The following CBX1 variants were observed in gnomAD, a reference collection of about 807,000 sequenced individuals.
The protein encoded by CBX1 is chromobox protein homolog 1.
Under a neutral mutation model 25.1 loss-of-function variants are expected in CBX1, and 10 were observed. The ratio of observed to expected loss-of-function variants is 0.40; its 90% CI spans 0.25 to 0.68. The LOEUF is 0.68. Ranked by LOEUF, CBX1 falls within the 30% of genes least tolerant of loss-of-function variation. CBX1 has a pLI of 0.40. For synonymous variants in CBX1, 63 were observed against 79.4 expected, an observed-to-expected ratio of 0.79 and a Z score of 1.10; for missense variants, 106 against 218.5, an observed-to-expected ratio of 0.49 and a Z score of 3.25.
intron 1 of CBX1, among the ~76,000 whole-genome samples, chr17:48,090,662 C>T (rs539426980): frequency 6.6e-6 from 1 of 152,258 alleles, no homozygotes; most frequent in South Asian, 2.1e-4. Context: ...GCTGAAGGCC[C>T]CTGCACCTAC....
At chr17:48,072,828 G>C (rs2037638139) in intron 4 of CBX1, among the ~76,000 whole-genome samples, 1 of 151,174 alleles carries the variant, frequency 6.6e-6, no homozygotes, top group Non-Finnish European at 1.5e-5. Context: ...ACATTATAAG[G>C]GAATTAGGAG....
chr17:48,080,323 C>T (rs1598306660), intron 1 of CBX1, among the ~76,000 whole-genome samples: 2 of 152,244 alleles, frequency 1.3e-5, no homozygotes, highest in East Asian at 3.9e-4. Flanking sequence ...CAGGCATGAG[C>T]TACCGTGCCC....
chr17:48,086,568 G>T (rs2063312990), intron 1 of CBX1, among the ~76,000 whole-genome samples: 1 of 152,158 alleles, frequency 6.6e-6, no homozygotes, highest in Admixed American at 6.6e-5. Flanking sequence ...TTAAAATGTT[G>T]GTCAGGGCTG....
At chr17:48,080,056 G>A (rs1208957850) in intron 1 of CBX1, among the ~76,000 whole-genome samples, 1 of 151,846 alleles carries the variant, frequency 6.6e-6, no homozygotes, top group Non-Finnish European at 1.5e-5. Flanking sequence ...CTTTTTTGGG[G>A]GAGGGGGACA....
At chr17:48,075,879 G>A in intron 3 of CBX1, 122 bp downstream of exon 3, 1 of 681,548 alleles carries the variant, frequency 1.5e-6, no homozygotes, top group East Asian at 2.8e-5. Context: ...GTAGGCATTA[G>A]CCTACCTAAG....
intron 1 of CBX1, among the ~76,000 whole-genome samples, chr17:48,093,518 G>C (rs1485497337): frequency 1.3e-5 from 2 of 152,190 alleles, no homozygotes; most frequent in Non-Finnish European, 2.9e-5. Flanking sequence ...ACTAGCATTT[G>C]AAAAGGTGTA....
chr17:48,093,218 T>C (rs1326921539), intron 1 of CBX1, among the ~76,000 whole-genome samples: 1 of 149,534 alleles, frequency 6.7e-6, no homozygotes, highest in African/African-American at 2.5e-5. Context: ...GAGGTTGCAG[T>C]GAGGCCAGAT....
Position 48,101,141 on chromosome 17 carries a change from G to A in CBX1, c.-38+127C>T, listed in dbSNP as rs963215952. 6.1e-6 allele frequency: 6 copies of A among 986,466 alleles called. No homozygotes were observed. The Admixed American group carries it at 3.1e-4, about 51-fold the overall frequency. 61.1% of individuals were successfully genotyped at this position (986,466 alleles called of 1,614,324 possible). On this transcript the variant is annotated intron_variant, in intron 1 of 4. Coordinates refer to ENST00000225603, the MANE Select transcript of CBX1 (RefSeq NM_001127228.2). ...AGCGCGGGAAGCGGAGAAGCAGGACGCTGGACCCGGGCGCGCTCCCCGCTC... is the reference window on the plus strand; with the variant it reads ...AGCGCGGGAAGCGGAGAAGCAGGACACTGGACCCGGGCGCGCTCCCCGCTC...
chr17:48,080,993 TAA>T (rs761110850), intron 1 of CBX1, among the ~76,000 whole-genome samples: 29 of 69,520 alleles, frequency 4.2e-4, no homozygotes, highest in Admixed American at 6.3e-4. Flanking sequence ...TATATATATA[TAA>T]AATTTGTCTT....
intron 1 of CBX1, 71 bp downstream of exon 1, chr17:48,101,197 A>G (rs2063408301): frequency 2.0e-6 from 2 of 989,436 alleles, no homozygotes; most frequent in Non-Finnish European, 2.4e-6. Context: ...GCGTTCCCTC[A>G]CGCAGGGCTC....
chr17:48,084,810 T>C (rs1443529737), intron 1 of CBX1, among the ~76,000 whole-genome samples: 3 of 149,558 alleles, frequency 2.0e-5, no homozygotes, highest in Non-Finnish European at 4.4e-5. Context: ...CTTGGGAGGC[T>C]GAGGCAGGAG....
chr17:48,093,945 T>G (rs1301184438), intron 1 of CBX1, among the ~76,000 whole-genome samples: 2 of 150,334 alleles, frequency 1.3e-5, no homozygotes, highest in Admixed American at 6.6e-5. Flanking sequence ...CATGACCCCA[T>G]CTCTACTAAA....
intron 1 of CBX1, chr17:48,100,674 G>GGCCTGA (rs2063403991): frequency 1.0e-6 from 1 of 963,698 alleles, no homozygotes; most frequent in East Asian, 1.1e-4. Context: ...TCCAGAGTCA[G>GGCCTGA]GCCCAGCAAA....
chr17:48,092,047 A>G (rs2144463292), intron 1 of CBX1, among the ~76,000 whole-genome samples: 1 of 131,490 alleles, frequency 7.6e-6, no homozygotes, highest in East Asian at 2.2e-4. Flanking sequence ...CTGGAATACA[A>G]TGGTGCCATC....
At chr17:48,090,882 C>G (rs1484494199) in intron 1 of CBX1, among the ~76,000 whole-genome samples, 3 of 152,220 alleles carry the variant, frequency 2.0e-5, no homozygotes, top group Non-Finnish European at 4.4e-5. Context: ...GTAGACAAGA[C>G]AGACAAAATC....
Position 48,071,216 on chromosome 17 carries a change from A to G in CBX1, c.*219T>C, listed in dbSNP as rs2037622122. 1 of 402,058 alleles carries G rather than the reference A, an allele frequency of 2.5e-6. No individual in the cohort carries two copies. Among genetic ancestry groups the G allele is most frequent in the Non-Finnish European group, 4.4e-6 (1 of 227,534 alleles). 24.9% of individuals were successfully genotyped at this position (402,058 alleles called of 1,614,324 possible). The stretch of plus-strand genomic sequence containing the variant: ...GCAAAGTGCAGAAAAGGTTGCCTTG[A>G]AACACTTATCCCCTTTCCCCTCCAC... On this transcript the variant is annotated 3_prime_UTR_variant, in exon 5 of 5. Coordinates refer to ENST00000225603, the MANE Select transcript of CBX1 (RefSeq NM_001127228.2).
intron 1 of CBX1, chr17:48,095,622 A>AG (rs1390550111): frequency 2.0e-5 from 3 of 152,262 alleles, no homozygotes; most frequent in Non-Finnish European, 4.4e-5. Flanking sequence ...TAAGCTTTTA[A>AG]GGGAATAAGC....
chr17:48,076,785 A>AT (rs2037678864), intron 2 of CBX1, 80 bp downstream of exon 2: 2 of 1,308,392 alleles, frequency 1.5e-6, no homozygotes, highest in South Asian at 2.8e-5. Context: ...TGTATCCATC[A>AT]TAGCACTGGA....
chr17:48,092,007 T>G (rs1407244420), intron 1 of CBX1, among the ~76,000 whole-genome samples: 27 of 110,008 alleles, frequency 2.5e-4, no homozygotes, highest in Non-Finnish European at 4.7e-4. Flanking sequence ...TTTTTTTTTT[T>G]GAGATGCAGT....
Sources: allele counts gnomAD v4.1 joint callset (sites outside exome capture counted in the v4.1 genomes callset), GRCh38; gene constraint gnomAD v4.1.1; transcripts MANE v1.5; gene names NCBI Gene and HGNC (gene_info 2026-07-23, HGNC 2026-07-21).